TNNC2: variants seen among roughly 807,000 people sequenced by gnomAD.
The protein encoded by TNNC2 is troponin C2, fast skeletal type, also known as troponin C, skeletal muscle.
A neutral mutation model predicts 20.0 loss-of-function variants in TNNC2; 14 were observed. The ratio of observed to expected loss-of-function variants is 0.70; its 90% CI spans 0.46 to 1.09. The LOEUF is 1.09. TNNC2 is among the 50% of genes least tolerant of loss of function. The probability of loss-of-function intolerance (pLI) is 0.00; values close to 1 mark genes in which losing one functional copy is unlikely to be tolerated. For missense variants in TNNC2, 163 were observed against 223.8 expected (o/e 0.73, Z 1.73); for synonymous variants, 81 against 77.3 (o/e 1.05, Z -0.25).
At chr20:45,824,999 AGTTTT>A (rs945893798) in intron 1 of TNNC2, among the ~76,000 whole-genome samples, 165 bp from the exon 2 acceptor site, 6 of 152,118 alleles carry the variant, frequency 3.9e-5, no homozygotes, top group Non-Finnish European at 5.9e-5. Context: ...ACCCAATCAC[AGTTTT>A]GTTTTGTCTC....
chr20:45,824,133 G>A lies in TNNC2; in HGVS notation c.315-6C>T, dbSNP rs760623651. On this transcript the variant is annotated splice_region_variant and splice_polypyrimidine_tract_variant and intron_variant, in intron 4 of 5. Transcript: ENST00000372555. ...CGATGTAGCCGTCTGCATTCCTTCAGGTCCGAGGGACAGGGCAGGGCTCAG... is the reference window on the plus strand; with the variant it reads ...CGATGTAGCCGTCTGCATTCCTTCAAGTCCGAGGGACAGGGCAGGGCTCAG... The A allele has an allele frequency of 1.2e-6, 2 of 1,613,520 alleles. No individual in the cohort carries two copies. Among genetic ancestry groups the A allele is most frequent in the Non-Finnish European group, 1.7e-6 (2 of 1,179,906 alleles).
At position 45,824,302 on chromosome 20, in the gene TNNC2, T is replaced by G; in HGVS notation, c.304A>C (p.Ile102Leu). ...GGGCCCCCAGCGCACCTGTCGAAGA[T>G]GCGGAAGCACTCGGCCAGCTCCTCC... ...SEEELAECFR[I>L]FDRNADGYID... is the part of the protein sequence containing the mutation. Residue 102 changes from isoleucine (I) to leucine (L), a missense_variant, in exon 4 of 6, where the codon ATC becomes CTC. Ile to Leu is a conservative substitution (Grantham distance 5). Coordinates refer to ENST00000372555, the MANE Select transcript of TNNC2 (RefSeq NM_003279.3). 1 of 1,610,540 alleles carries G rather than the reference T, an allele frequency of 6.2e-7. No homozygotes were observed. The highest frequency in any genetic ancestry group is 8.5e-7 in the Non-Finnish European group (1 of 1,179,928).
In TNNC2 at chr20:45,823,281, A is replaced by T; in HGVS notation, c.*67T>A. On this transcript the variant is annotated 3_prime_UTR_variant, in exon 6 of 6. Coordinates refer to ENST00000372555, the MANE Select transcript of TNNC2 (RefSeq NM_003279.3). The surrounding 1 kb of genome is among the most constrained non-coding windows in gnomAD (Gnocchi z 4.6). ...AAGGGGTCGCGCCTCCCTGGTGGGG[A>T]CCCGGCAGGGCGGAGTCTCCCACAC... 1.4e-6 allele frequency: 2 copies of T among 1,446,072 alleles called. No homozygotes were observed. The highest frequency in any genetic ancestry group is 1.9e-6 in the Non-Finnish European group (2 of 1,076,144). The allele number at this position is 1,446,072 out of a possible 1,614,324, so 89.6% of individuals were successfully genotyped here. A position where few individuals can be genotyped will look rare whatever the true frequency, so the allele number is the denominator to read the frequency against.
chr20:45,824,722 A>G, intron 2 of TNNC2, 61 bp downstream of exon 2: 2 of 1,108,648 alleles, frequency 1.8e-6, no homozygotes, highest in Non-Finnish European at 1.2e-6. Flanking sequence ...CACCCTGCCT[A>G]GAGGCCAACA....
intron 2 of TNNC2, among the ~76,000 whole-genome samples, chr20:45,832,700 A>G (rs1983149909): frequency 6.6e-6 from 1 of 152,238 alleles, no homozygotes; most frequent in Non-Finnish European, 1.5e-5. Flanking sequence ...TTGTATAACT[A>G]TCAAAATCTG....
At chr20:45,830,358 A>AG (rs1272380764), upstream of TNNC2, among the ~76,000 whole-genome samples, 3 of 149,368 alleles carry the variant, frequency 2.0e-5, no homozygotes, top group Non-Finnish European at 4.4e-5. Context: ...AAAAAAAAAA[A>AG]GACTACTCTA....
At chr20:45,827,931 G>A (rs774449917), upstream of TNNC2, among the ~76,000 whole-genome samples, 8 of 152,194 alleles carry the variant, frequency 5.3e-5, no homozygotes, top group Admixed American at 2.0e-4. Context: ...GTAGGCCACT[G>A]TTTACTGAAC....
chr20:45,824,393 G>T lies in TNNC2; in HGVS notation c.213C>A (p.Ile71=), dbSNP rs754962399. Residue 71 remains isoleucine, a synonymous_variant, in exon 4 of 6, where the codon ATC becomes ATA. Transcript: ENST00000372555. ...TCATGACCAAGAACTCCTCGAAGTC[G>T]ATGGTGCCGCTGCCTGCGGGCAGCA... ...EEVDEDGSGT[I]DFEEFLVMMV... 6.2e-7 allele frequency: 1 copy of T among 1,610,634 alleles called. No homozygotes were observed. The highest frequency in any genetic ancestry group is 1.7e-5 in the Admixed American group (1 of 60,020).
chr20:45,824,625 G>A lies in TNNC2; in HGVS notation c.69C>T (p.Ala23=). Residue 23 remains alanine (A), a synonymous_variant, in exon 3 of 6, where the codon GCC becomes GCT. Coordinates refer to ENST00000372555, the MANE Select transcript of TNNC2 (RefSeq NM_003279.3). ...CACCATCAGCATCAAACATGTCAAAGGCAGCCTTGAACTCTGCGAGGGAGG... is the reference window on the plus strand; with the variant it reads ...CACCATCAGCATCAAACATGTCAAAAGCAGCCTTGAACTCTGCGAGGGAGG... ...SEEMIAEFKA[A]FDMFDADGGG... 6.2e-7 allele frequency: 1 copy of A among 1,609,940 alleles called. No individual in the cohort carries two copies. Among genetic ancestry groups the A allele is most frequent in the Non-Finnish European group, 8.5e-7 (1 of 1,179,978 alleles).
In TNNC2 at chr20:45,824,000, C is replaced by T; in HGVS notation, c.442G>A (p.Asp148Asn). The T allele has an allele frequency of 6.2e-7, 1 of 1,614,142 alleles. No homozygotes were observed. Among genetic ancestry groups the T allele is most frequent in the Non-Finnish European group, 8.5e-7 (1 of 1,180,016 alleles). Residue 148 changes from aspartate (D) to asparagine (N), a missense_variant, in exon 5 of 6, where the codon GAC becomes AAC. Asp to Asn is a conservative substitution (Grantham distance 23). Transcript: ENST00000372555. This position sits in a 1 kb window ranked among gnomAD's most constrained non-coding sequence, Gnocchi z 4.6. ...DGDKNNDGRI[D>N]FDEFLKMMEG... ...TCCCGTTGGCCCTCACCGTCGAAGT[C>T]AATGCGGCCGTCGTTGTTCTTGTCG...
In TNNC2 at chr20:45,824,134, G is replaced by T. The variant is rs768459554; in HGVS notation, c.315-7C>A. 7.4e-6 allele frequency: 12 copies of T among 1,613,366 alleles called. 1 individual carries two copies. The South Asian group carries it at 1.3e-4, about 18-fold the overall frequency. ...GATGTAGCCGTCTGCATTCCTTCAG[G>T]TCCGAGGGACAGGGCAGGGCTCAGG... On this transcript the variant is annotated splice_region_variant and splice_polypyrimidine_tract_variant and intron_variant, in intron 4 of 5. Transcript: ENST00000372555.
At chr20:45,828,021 T>A (rs1386784814), upstream of TNNC2, among the ~76,000 whole-genome samples, 2 of 152,118 alleles carry the variant, frequency 1.3e-5, no homozygotes, top group Non-Finnish European at 2.9e-5. Context: ...GCAACGATTA[T>A]CCCCACTTGA....
chr20:45,824,699 C>A (rs1982916786), intron 2 of TNNC2, 61 bp from the exon 3 acceptor site: 1 of 1,557,718 alleles, frequency 6.4e-7, no homozygotes, highest in Non-Finnish European at 8.7e-7. Flanking sequence ...CACACCTACC[C>A]CCCCCCAACC....
chr20:45,824,760 C>T, intron 2 of TNNC2, 23 bp downstream of exon 2: 1 of 1,613,244 alleles, frequency 6.2e-7, no homozygotes, highest in South Asian at 1.1e-5. Flanking sequence ...CACCCAGCCC[C>T]CAGCCTGCCG....
In TNNC2 at chr20:45,823,298, C is replaced by A; in HGVS notation, c.*50G>T. The A allele has an allele frequency of 6.5e-7, 1 of 1,533,426 alleles. No homozygotes were observed. The highest frequency in any genetic ancestry group is 8.8e-7 in the Non-Finnish European group (1 of 1,135,262). The allele number at this position is 1,533,426 out of a possible 1,614,324, so 95.0% of individuals were successfully genotyped here. On this transcript the variant is annotated 3_prime_UTR_variant, in exon 6 of 6. Coordinates refer to ENST00000372555, the MANE Select transcript of TNNC2 (RefSeq NM_003279.3). The surrounding 1 kb of genome is among the most constrained non-coding windows in gnomAD (Gnocchi z 4.6). ...TGGTGGGGACCCGGCAGGGCGGAGT[C>A]TCCCACACCCTAGGGACACGCGATC...
intron 1 of TNNC2, among the ~76,000 whole-genome samples, chr20:45,825,360 C>T (rs1982939938): frequency 6.6e-6 from 1 of 151,718 alleles, no homozygotes; most frequent in Non-Finnish European, 1.5e-5. Flanking sequence ...GGCGTGATCT[C>T]GGCTCACTGC....
chr20:45,824,716 C>CCCCCCCAG, intron 2 of TNNC2, 67 bp downstream of exon 2: 1 of 1,598,014 alleles, frequency 6.3e-7, no homozygotes, highest in South Asian at 1.1e-5. Context: ...AACCCCCACC[C>CCCCCCCAG]TGCCTAGAGG....
At chr20:45,830,010 C>A (rs1427202404), upstream of TNNC2, among the ~76,000 whole-genome samples, 3 of 151,814 alleles carry the variant, frequency 2.0e-5, no homozygotes, top group Non-Finnish European at 1.5e-5. Context: ...CCCTCCACAT[C>A]ATGTTGCTGT....
chr20:45,828,384 C>CA (rs1454854551), upstream of TNNC2, among the ~76,000 whole-genome samples: 1 of 152,108 alleles, frequency 6.6e-6, no homozygotes, highest in Non-Finnish European at 1.5e-5. Flanking sequence ...GAAGTTGGGA[C>CA]AGACAGTCCT....
Sources: allele counts gnomAD v4.1 joint callset (sites outside exome capture counted in the v4.1 genomes callset), GRCh38; gene constraint gnomAD v4.1.1; non-coding constraint Gnocchi (gnomAD v3.1); transcripts MANE v1.5; gene names NCBI Gene and HGNC (gene_info 2026-07-23, HGNC 2026-07-21).